SYTL5: variants seen among roughly 807,000 people sequenced by gnomAD.
The protein encoded by SYTL5 is synaptotagmin like 5.
Under a neutral mutation model 55.9 loss-of-function variants are expected in SYTL5, and 34 were observed. The ratio of observed to expected loss-of-function variants is 0.61; its 90% CI spans 0.46 to 0.81. SYTL5 has a LOEUF of 0.81. Ranked by LOEUF, SYTL5 falls within the 30% of genes least tolerant of loss-of-function variation. SYTL5 has a pLI of 0.00. For synonymous variants in SYTL5, 221 were observed against 188.7 expected (o/e 1.17, Z -1.40); for missense variants, 637 against 546.7 (o/e 1.17, Z -1.65).
rs1858726342 is a variant in SYTL5, at chrX:38,128,114, A to G, written c.*1384A>G. The G allele has an allele frequency of 8.9e-6, 1 of 112,247 alleles. No individual in the cohort carries two copies. The highest frequency in any genetic ancestry group is 3.8e-4 in the South Asian group (1 of 2,660). The allele number at this position is 112,247 out of a possible 1,213,427, so 9.3% of individuals were successfully genotyped here. Reference sequence around the variant, plus strand: ...ACCTGGAATTCCAGATGCTTGAGCTACGAAACTTAGATGCAAAGAAAGTTA... The same window carrying G: ...ACCTGGAATTCCAGATGCTTGAGCTGCGAAACTTAGATGCAAAGAAAGTTA... On this transcript the variant is annotated 3_prime_UTR_variant, in exon 17 of 17. Transcript: ENST00000297875.
chrX:37,965,440 T>G, the SYTL5 span, among the ~76,000 whole-genome samples: 36 of 112,277 alleles, frequency 3.2e-4, no homozygotes, highest in Middle Eastern at 4.6e-3. Context: ...TGCTATTGAT[T>G]GCTAGTTTCA....
chrX:38,053,432 C>A (rs1935679253), intron 2 of SYTL5, among the ~76,000 whole-genome samples: 1 of 112,324 alleles, frequency 8.9e-6, no homozygotes, highest in African/African-American at 3.2e-5. Flanking sequence ...GTGGGTAAAT[C>A]ATTGCCTGAG....
intron 2 of SYTL5, among the ~76,000 whole-genome samples, chrX:38,049,633 A>G (rs1935569838): frequency 8.9e-6 from 1 of 111,910 alleles, no homozygotes; most frequent in Admixed American, 9.5e-5. Context: ...GTTTCTGATT[A>G]CACTCCATTG....
chrX:37,966,670 T>C, the SYTL5 span, among the ~76,000 whole-genome samples: 1 of 110,949 alleles, frequency 9.0e-6, no homozygotes. Context: ...ACTCCTGACC[T>C]TGTGATCCGC....
chrX:37,923,373 A>G, the SYTL5 span, among the ~76,000 whole-genome samples: 2 of 111,481 alleles, frequency 1.8e-5, no homozygotes, highest in African/African-American at 3.3e-5. Flanking sequence ...GATGCCCTTA[A>G]GTAGTGTTTC....
At chrX:37,991,872 G>A in the SYTL5 span, among the ~76,000 whole-genome samples, 935 of 111,873 alleles carry the variant, frequency 8.4e-3, 6 homozygotes, top group Middle Eastern at 0.018. Context: ...TTATGAAAGC[G>A]GATTTGAGAC....
the SYTL5 span, among the ~76,000 whole-genome samples, chrX:37,972,065 G>C: frequency 9.1e-6 from 1 of 109,479 alleles, no homozygotes; most frequent in Admixed American, 9.8e-5. Context: ...ATTGATTTTT[G>C]TTGGGGATTT....
chrX:37,941,589 A>G, the SYTL5 span, among the ~76,000 whole-genome samples: 1 of 111,751 alleles, frequency 8.9e-6, no homozygotes, highest in Admixed American at 9.5e-5. Context: ...TGTGTCTAGG[A>G]TAAGGTCCCC....
rs193072535 is a variant in SYTL5 at position 38,057,614 on chromosome X, C to T, written c.329+3192C>T. ...CTTTAGATAAACAGTTTTAAAGAAA[C>T]GAATCTTTTAAGTTCTTTTATTACT... On this transcript the variant is annotated intron_variant, in intron 3 of 16. Coordinates refer to ENST00000297875, the MANE Select transcript of SYTL5 (RefSeq NM_138780.3). 4.0e-4 allele frequency among the ~76,000 whole-genome samples: 44 copies of T among 111,255 alleles called. 1 individual carries two copies. Among genetic ancestry groups the T allele is most frequent in the Admixed American group, 3.7e-3 (39 of 10,474 alleles).
the SYTL5 span, among the ~76,000 whole-genome samples, chrX:37,910,236 C>T: frequency 9.0e-6 from 1 of 111,705 alleles, no homozygotes; most frequent in Non-Finnish European, 1.9e-5. Flanking sequence ...CCTGAGGCCT[C>T]TCTCCTTCAC....
rs1165230274 is a variant in SYTL5 at position 38,058,471 on chromosome X, C to T, written c.329+4049C>T. Among the ~76,000 whole-genome samples, 21 of 110,585 alleles carry T rather than the reference C, an allele frequency of 1.9e-4. 1 individual carries two copies. The highest frequency in any genetic ancestry group is 1.9e-5 in the Non-Finnish European group (1 of 52,448). On this transcript the variant is annotated intron_variant, in intron 3 of 16. Coordinates refer to ENST00000297875, the MANE Select transcript of SYTL5 (RefSeq NM_138780.3). ...TAATTTTTCTTCTTCCTAAAGGGTA[C>T]CCTTTAGTATTTCCTTTAGTGTGGC...
Position 38,017,669 on chromosome X carries a change from C to T in SYTL5, c.-357+11001C>T, listed in dbSNP as rs754588321. 5.6e-5 allele frequency among the ~76,000 whole-genome samples: 6 copies of T among 108,010 alleles called. 1 individual carries two copies. The South Asian group carries it at 1.3e-3, about 23-fold the overall frequency. The allele number at this position is 108,010 out of a possible 115,157, so 93.8% of individuals were successfully genotyped here. A position where few individuals can be genotyped will look rare whatever the true frequency, so the allele number is the denominator to read the frequency against. On this transcript the variant is annotated intron_variant, in intron 1 of 16. Transcript: ENST00000297875. Reference sequence around the variant, plus strand: ...AAAGAAGGAAGTTTATTTCTGTAACCGGCTATGGCTGAAAAATATCTCCAG... The same window carrying T: ...AAAGAAGGAAGTTTATTTCTGTAACTGGCTATGGCTGAAAAATATCTCCAG...
In SYTL5 at chrX:38,096,127, C is replaced by G; in HGVS notation, c.962-7C>G. The G allele has an allele frequency of 9.1e-7, 1 of 1,095,213 alleles. No individual in the cohort carries two copies. The highest frequency in any genetic ancestry group is 1.2e-6 in the Non-Finnish European group (1 of 810,907). 90.3% of individuals were successfully genotyped at this position (1,095,213 alleles called of 1,213,427 possible). A position where few individuals can be genotyped will look rare whatever the true frequency, so the allele number is the denominator to read the frequency against. ...TCACGTCTTTCTTTTTCCTTTCCAC[C>G]TTCCAGATCAGAGTCGATCTGAGTT... is the stretch of plus-strand genomic sequence containing the variant. On this transcript the variant is annotated splice_region_variant and splice_polypyrimidine_tract_variant and intron_variant, in intron 8 of 16. Transcript: ENST00000297875.
chrX:37,904,272 G>A, the SYTL5 span, among the ~76,000 whole-genome samples: 35 of 105,033 alleles, frequency 3.3e-4, 1 homozygote, highest in Middle Eastern at 4.7e-3. Flanking sequence ...GTCCGGGGGG[G>A]GGGGTGATAT....
At chrX:38,015,618 C>G (rs761873014) in intron 1 of SYTL5, among the ~76,000 whole-genome samples, 19 of 111,182 alleles carry the variant, frequency 1.7e-4, no homozygotes, top group Non-Finnish European at 3.2e-4. Context: ...AACACAAACT[C>G]AAGAGATTCT....
chrX:38,112,919 C>T (rs1484290758), intron 13 of SYTL5, among the ~76,000 whole-genome samples: 1 of 112,394 alleles, frequency 8.9e-6, no homozygotes, highest in Admixed American at 9.4e-5. Context: ...GTTACACATA[C>T]TGATTTCCCT....
chrX:37,969,656 C>T, the SYTL5 span, among the ~76,000 whole-genome samples: 2 of 111,658 alleles, frequency 1.8e-5, no homozygotes, highest in African/African-American at 6.5e-5. Context: ...TTTTTTTGAC[C>T]GAGTCTTGCT....
At chrX:38,049,314 A>AT (rs1027442994) in intron 2 of SYTL5, among the ~76,000 whole-genome samples, 1 of 111,756 alleles carries the variant, frequency 8.9e-6, no homozygotes, top group Non-Finnish European at 1.9e-5. Context: ...TTCTTATTGT[A>AT]TTTTTTTGGG....
At chrX:38,042,545 A>T (rs73632439) in intron 2 of SYTL5, among the ~76,000 whole-genome samples, 4,831 of 110,995 alleles carry the variant, frequency 0.044, 86 homozygotes, top group Middle Eastern at 0.071. Flanking sequence ...TATATTTTTT[A>T]CTCTTCCCCA....
Sources: allele counts gnomAD v4.1 joint callset (sites outside exome capture counted in the v4.1 genomes callset), GRCh38; gene constraint gnomAD v4.1.1; transcripts MANE v1.5; gene names NCBI Gene and HGNC (gene_info 2026-07-23, HGNC 2026-07-21).